The following MFGE8 variants were observed in gnomAD, a reference collection of about 807,000 sequenced individuals.
MFGE8 encodes lactadherin.
A neutral mutation model predicts 42.6 loss-of-function variants in MFGE8; 34 were observed. The observed-to-expected ratio is 0.80, with a 90% CI of 0.61 to 1.06. The LOEUF is 1.06. MFGE8 is among the 50% of genes least tolerant of loss of function. The pLI is 0.00. For synonymous variants in MFGE8, 230 were observed against 214.8 expected, an observed-to-expected ratio of 1.07 and a Z score of -0.62; for missense variants, 510 against 516.9, an observed-to-expected ratio of 0.99 and a Z score of 0.13.
chr15:88,899,956 G>A lies in MFGE8; in HGVS notation c.871-145C>T. The A allele has an allele frequency of 2.5e-5, 23 of 929,404 alleles. No individual in the cohort carries two copies. In the South Asian group the frequency reaches 3.1e-4, roughly 13 times the overall value. The allele number at this position is 929,404 out of a possible 1,614,324, so 57.6% of individuals were successfully genotyped here. A position where few individuals can be genotyped will look rare whatever the true frequency, so the allele number is the denominator to read the frequency against. On this transcript the variant is annotated intron_variant, in intron 6 of 7. Coordinates refer to ENST00000268150, the MANE Select transcript of MFGE8 (RefSeq NM_005928.4). The surrounding 1 kb of genome is among the most constrained non-coding windows in gnomAD (Gnocchi z 6.8). ...TTCTTTGGCTATAAAATGGGCATAA[G>A]GCCGGACATGGTGTCTCATGCCTAT...
At chr15:88,913,162 T>A (rs1193778548) in intron 1 of MFGE8, 85 bp downstream of exon 1, 16 of 1,459,762 alleles carry the variant, frequency 1.1e-5, no homozygotes, top group Non-Finnish European at 1.3e-5. Context: ...TTGTCAACAG[T>A]GGAGGTGGAG....
rs1267036894 is a variant in MFGE8, at chr15:88,913,345, G to A, written c.-26C>T. 13 of 1,411,754 alleles carry A rather than the reference G, an allele frequency of 9.2e-6. No homozygotes were observed. Among genetic ancestry groups the A allele is most frequent in the Non-Finnish European group, 8.2e-6 (9 of 1,092,072 alleles). The allele number at this position is 1,411,754 out of a possible 1,614,324, so 87.5% of individuals were successfully genotyped here. ...GCTGCGGGGACGCGGGCGCTGGAATGGGCACGCTGGGCTGCTCAGACCCCG... is the reference window on the plus strand; with the variant it reads ...GCTGCGGGGACGCGGGCGCTGGAATAGGCACGCTGGGCTGCTCAGACCCCG... On this transcript the variant is annotated 5_prime_UTR_variant, in exon 1 of 8. Transcript: ENST00000268150.
At chr15:88,901,336 T>TAC in intron 6 of MFGE8, among the ~76,000 whole-genome samples, 1 of 137,306 alleles carries the variant, frequency 7.3e-6, no homozygotes, top group East Asian at 2.1e-4. Context: ...CACACACACA[T>TAC]ACACACACAC....
Position 88,899,665 on chromosome 15 carries a change from G to A in MFGE8, c.1017C>T (p.Gly339=). ...NWTEYQDPRT[G]SSKIFPGNWD... ...CTGGACAGACACCCACCTTACTGCT[G>A]CCAGTCCTGGGGTCCTGGTACTCAG... Residue 339 remains glycine (G), a synonymous_variant, in exon 7 of 8, where the codon GGC becomes GGT. Coordinates refer to ENST00000268150, the MANE Select transcript of MFGE8 (RefSeq NM_005928.4). This position sits in a 1 kb window ranked among gnomAD's most constrained non-coding sequence, Gnocchi z 6.8. 6.2e-7 allele frequency: 1 copy of A among 1,614,140 alleles called. No homozygotes were observed. The highest frequency in any genetic ancestry group is 8.5e-7 in the Non-Finnish European group (1 of 1,180,006).
chr15:88,901,178 C>T (rs1349839658), intron 6 of MFGE8, among the ~76,000 whole-genome samples: 1 of 122,124 alleles, frequency 8.2e-6, no homozygotes, highest in Non-Finnish European at 1.7e-5. Flanking sequence ...CACATTCTCA[C>T]ACATTCACAC....
intron 2 of MFGE8, among the ~76,000 whole-genome samples, chr15:88,907,714 G>GCC (rs72273167): frequency 0.01 from 1,522 of 149,686 alleles, 26 homozygotes; most frequent in Admixed American, 0.017. Context: ...AGTCCCCCCC[G>GCC]CCAGGCTGTG....
At chr15:88,912,080 G>A (rs1348888757) in intron 1 of MFGE8, 1 of 1,283,558 alleles carries the variant, frequency 7.8e-7, no homozygotes, top group Non-Finnish European at 1.0e-6. Context: ...CGGTCCAGTG[G>A]GAAAAAGGGA....
chr15:88,909,220 C>G (rs1477137098), intron 2 of MFGE8, among the ~76,000 whole-genome samples: 2 of 152,218 alleles, frequency 1.3e-5, no homozygotes, highest in African/African-American at 4.8e-5. Flanking sequence ...CACACGCGGA[C>G]AGCCCCTCTG....
chr15:88,912,684 T>C lies in MFGE8; in HGVS notation c.73+563A>G, dbSNP rs374323441. On this transcript the variant is annotated intron_variant, in intron 1 of 7. Coordinates refer to ENST00000268150, the MANE Select transcript of MFGE8 (RefSeq NM_005928.4). ...AGCAGGCAGCCCTCTTCCAAGCTCC[T>C]CGAAGCCTCTGGGTCCCCTCCCGGG... 123 of 985,320 alleles carry C rather than the reference T, an allele frequency of 1.2e-4. 3 individuals are homozygous for C. The East Asian group carries it at 0.011, about 89-fold the overall frequency. 61.0% of individuals were successfully genotyped at this position (985,320 alleles called of 1,614,324 possible).
chr15:88,912,590 G>T (rs1393292182), intron 1 of MFGE8: 8 of 985,376 alleles, frequency 8.1e-6, no homozygotes, highest in Non-Finnish European at 9.6e-6. Context: ...CTGGGAGGCG[G>T]AGGAGGACCG....
Position 88,905,681 on chromosome 15 carries a change from A to G in MFGE8, c.685+76T>C. 6.3e-7 allele frequency: 1 copy of G among 1,599,978 alleles called. No individual in the cohort carries two copies. The highest frequency in any genetic ancestry group is 8.5e-7 in the Non-Finnish European group (1 of 1,170,312). On this transcript the variant is annotated intron_variant, in intron 5 of 7. Coordinates refer to ENST00000268150, the MANE Select transcript of MFGE8 (RefSeq NM_005928.4). This position sits in a 1 kb window ranked among gnomAD's most constrained non-coding sequence, Gnocchi z 6.6. The stretch of plus-strand genomic sequence containing the variant: ...TGCCCTACCTAGCTCAGTTTGGCTG[A>G]GAAAAGAGGCAGCAGGGAGGGCCAC...
rs1473463931 is a variant in MFGE8, at chr15:88,901,498, T to C, written c.870+53A>G. 8.5e-6 allele frequency: 13 copies of C among 1,525,788 alleles called. No homozygotes were observed. The South Asian group carries it at 1.4e-4, about 16-fold the overall frequency. The allele number at this position is 1,525,788 out of a possible 1,614,324, so 94.5% of individuals were successfully genotyped here. On this transcript the variant is annotated intron_variant, in intron 6 of 7. Transcript: ENST00000268150. ...TGGAGAGAGGTCAAAGATCTGGCAG[T>C]CCCACCTCATCCCACCCAACCCCAG... is the stretch of plus-strand genomic sequence containing the variant.
chr15:88,911,655 G>A (rs139395722), intron 1 of MFGE8, among the ~76,000 whole-genome samples: 1,757 of 152,076 alleles, frequency 0.012, 31 homozygotes, highest in African/African-American at 0.039. Flanking sequence ...TGAACCCAGC[G>A]GGCGAAGCTT....
rs1447149359 is a variant in MFGE8, at chr15:88,905,308, C to T, written c.685+449G>A. ...ATAAATCATTCATCGGGGCCCCACG[C>T]CCCTCATTCATTCATTCGCTCATTC... On this transcript the variant is annotated intron_variant, in intron 5 of 7. Coordinates refer to ENST00000268150, the MANE Select transcript of MFGE8 (RefSeq NM_005928.4). This position sits in a 1 kb window ranked among gnomAD's most constrained non-coding sequence, Gnocchi z 6.6. 5.4e-6 allele frequency: 2 copies of T among 367,184 alleles called. No individual in the cohort carries two copies. Among genetic ancestry groups the T allele is most frequent in the African/African-American group, 4.3e-5 (2 of 47,012 alleles). The allele number at this position is 367,184 out of a possible 1,614,324, so 22.7% of individuals were successfully genotyped here. A position where few individuals can be genotyped will look rare whatever the true frequency, so the allele number is the denominator to read the frequency against.
Position 88,906,869 on chromosome 15 carries a change from G to A in MFGE8, c.388-91C>T. 3 of 1,480,638 alleles carry A rather than the reference G, an allele frequency of 2.0e-6. No individual in the cohort carries two copies. The highest frequency in any genetic ancestry group is 1.1e-5 in the South Asian group (1 of 87,568). 91.7% of individuals were successfully genotyped at this position (1,480,638 alleles called of 1,614,324 possible). ...GACCCATCCCTTCACTCCCCCACTGGGTGGGGGAACAACTCAAGCAAAACA... is the reference window on the plus strand; with the variant it reads ...GACCCATCCCTTCACTCCCCCACTGAGTGGGGGAACAACTCAAGCAAAACA... On this transcript the variant is annotated intron_variant, in intron 3 of 7. Transcript: ENST00000268150. The surrounding 1 kb of genome is among the most constrained non-coding windows in gnomAD (Gnocchi z 4.2).
chr15:88,905,346 TTGAG>T lies in MFGE8; in HGVS notation c.685+407_685+410del, dbSNP rs922381644. ...CATTCGCTCATTCATCAAATATTTATTGAGTACCTATAAACCAGACACCATTCTA... is the reference window on the plus strand; with the variant it reads ...CATTCGCTCATTCATCAAATATTTATTACCTATAAACCAGACACCATTCTA... On this transcript the variant is annotated intron_variant, in intron 5 of 7. Coordinates refer to ENST00000268150, the MANE Select transcript of MFGE8 (RefSeq NM_005928.4). This position sits in a 1 kb window ranked among gnomAD's most constrained non-coding sequence, Gnocchi z 6.6. 5 of 376,672 alleles carry T rather than the reference TTGAG, an allele frequency of 1.3e-5. No homozygotes were observed. The highest frequency in any genetic ancestry group is 2.6e-5 in the Non-Finnish European group (5 of 192,980). 23.3% of individuals were successfully genotyped at this position (376,672 alleles called of 1,614,324 possible). A position where few individuals can be genotyped will look rare whatever the true frequency, so the allele number is the denominator to read the frequency against.
Position 88,905,330 on chromosome 15 carries a change from A to C in MFGE8, c.685+427T>G, listed in dbSNP as rs777159606. On this transcript the variant is annotated intron_variant, in intron 5 of 7. Coordinates refer to ENST00000268150, the MANE Select transcript of MFGE8 (RefSeq NM_005928.4). The surrounding 1 kb of genome is among the most constrained non-coding windows in gnomAD (Gnocchi z 6.6). ...ACGCCCCTCATTCATTCATTCGCTC[A>C]TTCATCAAATATTTATTGAGTACCT... 12 of 369,960 alleles carry C rather than the reference A, an allele frequency of 3.2e-5. No homozygotes were observed. The highest frequency in any genetic ancestry group is 5.8e-5 in the Non-Finnish European group (11 of 188,752). The allele number at this position is 369,960 out of a possible 1,614,324, so 22.9% of individuals were successfully genotyped here. A position where few individuals can be genotyped will look rare whatever the true frequency, so the allele number is the denominator to read the frequency against.
rs112380603 is a variant in MFGE8 at position 88,899,081 on chromosome 15, C to T, written c.*314G>A. On this transcript the variant is annotated 3_prime_UTR_variant, in exon 8 of 8. Coordinates refer to ENST00000268150, the MANE Select transcript of MFGE8 (RefSeq NM_005928.4). The surrounding 1 kb of genome is among the most constrained non-coding windows in gnomAD (Gnocchi z 6.8). ...ACACACGCACCTGGGATCGGCGGTCCGGACAGGGGCAGGGAAACCACACGC... is the reference window on the plus strand; with the variant it reads ...ACACACGCACCTGGGATCGGCGGTCTGGACAGGGGCAGGGAAACCACACGC... 2 of 450,054 alleles carry T rather than the reference C, an allele frequency of 4.4e-6. No individual in the cohort carries two copies. The highest frequency in any genetic ancestry group is 2.0e-5 in the African/African-American group (1 of 50,364). The allele number at this position is 450,054 out of a possible 1,614,324, so 27.9% of individuals were successfully genotyped here. A position where few individuals can be genotyped will look rare whatever the true frequency, so the allele number is the denominator to read the frequency against.
Position 88,901,751 on chromosome 15 carries a change from G to A in MFGE8, c.686-16C>T, listed in dbSNP as rs2141697372. The stretch of plus-strand genomic sequence containing the variant: ...TTGGCGCATCCTGCCAGCAAGGTGG[G>A]CTGTCATCTGGATCTGGGATCCACA... On this transcript the variant is annotated splice_polypyrimidine_tract_variant and intron_variant, in intron 5 of 7. Transcript: ENST00000268150. 1.2e-6 allele frequency: 2 copies of A among 1,613,666 alleles called. No individual in the cohort carries two copies. The highest frequency in any genetic ancestry group is 1.7e-6 in the Non-Finnish European group (2 of 1,179,804).
Sources: allele counts gnomAD v4.1 joint callset (sites outside exome capture counted in the v4.1 genomes callset), GRCh38; gene constraint gnomAD v4.1.1; non-coding constraint Gnocchi (gnomAD v3.1); transcripts MANE v1.5; gene names NCBI Gene and HGNC (gene_info 2026-07-23, HGNC 2026-07-21).